The following NME7 variants were observed in gnomAD, a reference collection of about 807,000 sequenced individuals.
NME7 encodes NME/NM23 family member 7, also known as nucleoside diphosphate kinase 7.
Under a neutral mutation model 49.1 loss-of-function variants are expected in NME7, and 41 were observed. That is an observed-to-expected ratio of 0.83 (90% CI 0.65 to 1.08). The LOEUF is 1.08. Ranked by LOEUF, NME7 falls within the 50% of genes least tolerant of loss-of-function variation. The pLI, the probability that NME7 is intolerant of heterozygous loss-of-function variation, is 0.00. For synonymous variants in NME7, 139 were observed against 150.6 expected, an observed-to-expected ratio of 0.92 and a Z score of 0.56; for missense variants, 423 against 463.4, an observed-to-expected ratio of 0.91 and a Z score of 0.80.
chr1:169,364,423 T>G (rs1427696379), intron 1 of NME7, among the ~76,000 whole-genome samples: 1 of 152,202 alleles, frequency 6.6e-6, no homozygotes, highest in Non-Finnish European at 1.5e-5. Flanking sequence ...TTATTTATAC[T>G]TTTTTAGAGA....
At chr1:169,159,474 C>A (rs1394828242) in intron 11 of NME7, among the ~76,000 whole-genome samples, 1 of 152,150 alleles carries the variant, frequency 6.6e-6, no homozygotes, top group East Asian at 1.9e-4. Context: ...ATTTGTCACA[C>A]CCCAACCCAC....
At chr1:169,240,340 T>C (rs1648029364) in intron 7 of NME7, among the ~76,000 whole-genome samples, 1 of 152,010 alleles carries the variant, frequency 6.6e-6, no homozygotes. Flanking sequence ...AAAATCTCTT[T>C]AATGTCTCAT....
intron 10 of NME7, among the ~76,000 whole-genome samples, chr1:169,181,364 T>C (rs1290873462): frequency 4.4e-5 from 4 of 91,466 alleles, no homozygotes; most frequent in Admixed American, 9.9e-5. Context: ...CTCAAATTCC[T>C]ACACACACAC....
At chr1:169,349,440 T>C (rs148231701) in intron 1 of NME7, among the ~76,000 whole-genome samples, 3 of 152,358 alleles carry the variant, frequency 2.0e-5, no homozygotes, top group East Asian at 1.9e-4. Context: ...GCCACTCTTA[T>C]GGAATATGCG....
rs780155209 is a variant in NME7 at position 169,367,718 on chromosome 1, G to A, written c.-8C>T. On this transcript the variant is annotated 5_prime_UTR_variant, in exon 1 of 12. Transcript: ENST00000367811. ...TCCCCTGGCACTCACCATTGTCTCA[G>A]GATCTCAGCACTAGAAAATAGGTAT... 1 of 1,614,138 alleles carries A rather than the reference G, an allele frequency of 6.2e-7. No homozygotes were observed. Among genetic ancestry groups the A allele is most frequent in the Admixed American group, 1.7e-5 (1 of 60,024 alleles).
chr1:169,217,319 T>G (rs1452144152), intron 10 of NME7, among the ~76,000 whole-genome samples: 1 of 152,174 alleles, frequency 6.6e-6, no homozygotes, highest in Non-Finnish European at 1.5e-5. Flanking sequence ...GCATTTGATA[T>G]TTGGCTAGTT....
chr1:169,169,531 A>T lies in NME7; in HGVS notation c.1014T>A (p.Pro338=). Residue 338 remains proline, a synonymous_variant, in exon 11 of 12, where the codon CCT becomes CCA. Transcript: ENST00000367811. The stretch of plus-strand genomic sequence containing the variant: ...TACCAAAGATTGCTCTGAGAGTTCC[A>T]GGGCGTAAATGCCGGGCAATTTCCT... ...ADPEIARHLR[P]GTLRAIFGKT... is the part of the protein sequence containing the mutation. The T allele has an allele frequency of 6.2e-7, 1 of 1,614,026 alleles. No individual in the cohort carries two copies. Among genetic ancestry groups the T allele is most frequent in the African/African-American group, 1.3e-5 (1 of 75,044 alleles).
intron 7 of NME7, among the ~76,000 whole-genome samples, chr1:169,243,992 C>A (rs114917208): frequency 0.015 from 2,208 of 151,742 alleles, 57 homozygotes; most frequent in African/African-American, 0.05. Flanking sequence ...AATAAATAAT[C>A]AAAATATTTA....
At chr1:169,168,311 G>A (rs1047417223) in intron 11 of NME7, among the ~76,000 whole-genome samples, 1 of 152,116 alleles carries the variant, frequency 6.6e-6, no homozygotes, top group Non-Finnish European at 1.5e-5. Context: ...CTCTCCTTCT[G>A]CCTTATGCTT....
chr1:169,331,646 A>G (rs1652260424), intron 1 of NME7, among the ~76,000 whole-genome samples: 1 of 152,226 alleles, frequency 6.6e-6, no homozygotes. Context: ...TCATACAAAT[A>G]TCAGTGGTAT....
chr1:169,316,169 G>A (rs956681316), intron 3 of NME7, among the ~76,000 whole-genome samples: 1 of 151,860 alleles, frequency 6.6e-6, no homozygotes, highest in East Asian at 1.9e-4. Context: ...AGCAAATGTT[G>A]TTTCTATCAA....
chr1:169,309,935 AG>A (rs775224344), intron 4 of NME7, 34 bp downstream of exon 4: 1 of 1,160,810 alleles, frequency 8.6e-7, no homozygotes, highest in South Asian at 1.4e-5. Flanking sequence ...AAAAGGAATC[AG>A]ACATTACATA....
chr1:169,366,422 T>C (rs1653854819), intron 1 of NME7, among the ~76,000 whole-genome samples: 1 of 152,232 alleles, frequency 6.6e-6, no homozygotes, highest in South Asian at 2.1e-4. Flanking sequence ...ATAGGAGGAC[T>C]AGGAAATAAC....
Position 169,287,298 on chromosome 1 carries a change from C to T in NME7, c.754+5G>A, listed in dbSNP as rs1289349517. The T allele has an allele frequency of 6.2e-7, 1 of 1,600,948 alleles. No homozygotes were observed. Among genetic ancestry groups the T allele is most frequent in the East Asian group, 2.2e-5 (1 of 44,642 alleles). On this transcript the variant is annotated splice_donor_5th_base_variant and intron_variant, in intron 7 of 11. Transcript: ENST00000367811. ...AATGTACTGAATATAGTGTATTCAA[C>T]ATACCTTCACTGACAGCATGGGGTT...
intron 5 of NME7, among the ~76,000 whole-genome samples, chr1:169,300,259 A>G (rs1650886962): frequency 6.6e-6 from 1 of 152,178 alleles, no homozygotes; most frequent in Admixed American, 6.5e-5. Flanking sequence ...AGTTTATACC[A>G]AAAGATAATT....
chr1:169,349,807 T>G (rs891660914), intron 1 of NME7, among the ~76,000 whole-genome samples: 7 of 152,172 alleles, frequency 4.6e-5, no homozygotes, highest in African/African-American at 1.7e-4. Context: ...AGAATGTAAC[T>G]GTATAAAAGG....
chr1:169,205,736 A>G (rs1660657486), intron 10 of NME7, among the ~76,000 whole-genome samples: 1 of 152,144 alleles, frequency 6.6e-6, no homozygotes, highest in Non-Finnish European at 1.5e-5. Context: ...TTATTGTGTT[A>G]AAACATGTTA....
intron 6 of NME7, among the ~76,000 whole-genome samples, chr1:169,290,785 T>C (rs1461050106): frequency 6.6e-6 from 1 of 152,112 alleles, no homozygotes. Context: ...AGGGCTACTG[T>C]CCAGAATCTA....
At chr1:169,208,174 AAT>A (rs1371784138) in intron 10 of NME7, among the ~76,000 whole-genome samples, 1 of 152,148 alleles carries the variant, frequency 6.6e-6, no homozygotes, top group East Asian at 1.9e-4. Flanking sequence ...TTTTCCATTT[AAT>A]ATATGTCTAT....
Sources: gnomAD v4.1 joint callset for allele counts (sites outside exome capture counted in the v4.1 genomes callset) on GRCh38, gnomAD v4.1.1 for gene constraint, MANE v1.5 for transcripts, NCBI Gene and HGNC (gene_info 2026-07-23, HGNC 2026-07-21) for gene names.